The following STK39 variants were observed in gnomAD, a reference collection of about 807,000 sequenced individuals.
STK39 encodes STE20/SPS1-related proline-alanine-rich protein kinase.
Under a neutral mutation model 77.8 loss-of-function variants are expected in STK39, and 20 were observed. The observed-to-expected ratio is 0.26, with a 90% confidence interval of 0.18 to 0.37. The LOEUF is 0.37. Ranked by LOEUF, STK39 falls within the 10% of genes least tolerant of loss-of-function variation. The pLI is 1.00. For synonymous variants in STK39, 246 were observed against 234.1 expected (o/e 1.05, Z -0.47); for missense variants, 479 against 656.5 (o/e 0.73, Z 2.95).
At chr2:168,015,345 CA>C (rs1159978687) in intron 15 of STK39, among the ~76,000 whole-genome samples, 2 of 152,212 alleles carry the variant, frequency 1.3e-5, no homozygotes, top group African/African-American at 4.8e-5. Context: ...GTGAACTGCA[CA>C]CAGATTTACT....
At chr2:167,968,867 TACTA>T (rs1224971497) in intron 16 of STK39, among the ~76,000 whole-genome samples, 3 of 152,200 alleles carry the variant, frequency 2.0e-5, no homozygotes, top group South Asian at 4.1e-4. Context: ...ACAGAAAACT[TACTA>T]ACTCAGTTTG....
Position 167,956,519 on chromosome 2 carries a change from G to A in STK39, c.1564-949C>T, listed in dbSNP as rs191372413. Among the ~76,000 whole-genome samples, 883 of 150,256 alleles carry A rather than the reference G, an allele frequency of 5.9e-3. 8 individuals carry two copies. Among genetic ancestry groups the A allele is most frequent in the Middle Eastern group, 0.027 (8 of 292 alleles). ...GCAGAGGTTGCAGTGAGCCGAGATC[G>A]TGCCACTGCACTCCAGCCTGGCGAC... On this transcript the variant is annotated intron_variant, in intron 17 of 17. Coordinates refer to ENST00000355999, the MANE Select transcript of STK39 (RefSeq NM_013233.3).
chr2:168,109,017 T>G (rs1448248983), intron 10 of STK39, among the ~76,000 whole-genome samples: 1 of 152,224 alleles, frequency 6.6e-6, no homozygotes, highest in Non-Finnish European at 1.5e-5. Flanking sequence ...TTGAGGAAAC[T>G]GAGCTTTGAA....
At chr2:168,218,166 T>C (rs1164551552) in intron 1 of STK39, among the ~76,000 whole-genome samples, 1 of 152,200 alleles carries the variant, frequency 6.6e-6, no homozygotes, top group African/African-American at 2.4e-5. Context: ...ACCACATAAA[T>C]TGGAAGAGAG....
intron 10 of STK39, among the ~76,000 whole-genome samples, chr2:168,112,583 G>T (rs2012981): frequency 0.37 from 55,694 of 151,884 alleles, 11,037 homozygotes; most frequent in South Asian, 0.47. Context: ...CTGTGAGTCA[G>T]TTAAACCTCT....
At chr2:168,007,673 T>C (rs1684165589) in intron 16 of STK39, among the ~76,000 whole-genome samples, 1 of 151,960 alleles carries the variant, frequency 6.6e-6, no homozygotes, top group South Asian at 2.1e-4. Context: ...GGTGGGCATA[T>C]ATGGCCCTAA....
chr2:168,231,487 C>T (rs1407023423), intron 1 of STK39, among the ~76,000 whole-genome samples: 6 of 151,692 alleles, frequency 4.0e-5, no homozygotes, highest in African/African-American at 1.5e-4. Flanking sequence ...TGATAGCTTC[C>T]CACCACACAC....
intron 10 of STK39, among the ~76,000 whole-genome samples, chr2:168,118,826 A>G (rs1687331457): frequency 6.6e-6 from 1 of 152,138 alleles, no homozygotes; most frequent in South Asian, 2.1e-4. Flanking sequence ...TTCTTAGTCA[A>G]TGAACTGTTC....
intron 1 of STK39, among the ~76,000 whole-genome samples, chr2:168,246,539 A>G (rs1172453651): frequency 6.6e-6 from 1 of 152,150 alleles, no homozygotes; most frequent in Non-Finnish European, 1.5e-5. Flanking sequence ...TTCCCCGGGG[A>G]GCCGGACTGG....
At chr2:168,117,266 T>C (rs1253358201) in intron 10 of STK39, among the ~76,000 whole-genome samples, 1 of 152,204 alleles carries the variant, frequency 6.6e-6, no homozygotes, top group East Asian at 1.9e-4. Flanking sequence ...CTGAAAAATA[T>C]CTTAACTATT....
chr2:168,223,776 T>C (rs1025719612), intron 1 of STK39, among the ~76,000 whole-genome samples: 16 of 152,170 alleles, frequency 1.1e-4, no homozygotes, highest in Admixed American at 9.2e-4. Flanking sequence ...GCATCAAGTA[T>C]GCTGAGTAAT....
intron 10 of STK39, among the ~76,000 whole-genome samples, chr2:168,092,078 T>C (rs547226578): frequency 1.3e-5 from 2 of 152,334 alleles, no homozygotes; most frequent in South Asian, 4.1e-4. Context: ...TCTATAACCA[T>C]TGTTGTCAGG....
At chr2:168,211,525 C>G (rs1402651995) in intron 1 of STK39, among the ~76,000 whole-genome samples, 2 of 152,226 alleles carry the variant, frequency 1.3e-5, no homozygotes, top group Non-Finnish European at 2.9e-5. Context: ...CCTTCAACCT[C>G]TAAACCAGTG....
intron 10 of STK39, among the ~76,000 whole-genome samples, chr2:168,090,220 T>C (rs1200711945): frequency 6.6e-6 from 1 of 152,218 alleles, no homozygotes; most frequent in Non-Finnish European, 1.5e-5. Context: ...GAAAGTAAGA[T>C]GCAGTTACAT....
At chr2:168,223,630 C>T (rs1244384059) in intron 1 of STK39, among the ~76,000 whole-genome samples, 1 of 152,070 alleles carries the variant, frequency 6.6e-6, no homozygotes, top group Non-Finnish European at 1.5e-5. Flanking sequence ...AGGGTGACAG[C>T]TTTGCAAACA....
intron 7 of STK39, 95 bp downstream of exon 7, chr2:168,140,194 G>A (rs1574496579): frequency 1.9e-6 from 2 of 1,079,350 alleles, no homozygotes; most frequent in East Asian, 2.4e-5. Flanking sequence ...TTCTCCTCGG[G>A]TCTAAGAGAA....
intron 14 of STK39, among the ~76,000 whole-genome samples, chr2:168,060,729 A>T (rs1295305838): frequency 6.6e-6 from 1 of 152,242 alleles, no homozygotes; most frequent in Non-Finnish European, 1.5e-5. Flanking sequence ...AGCAACATAT[A>T]TAATAGATCC....
intron 16 of STK39, among the ~76,000 whole-genome samples, chr2:167,995,152 C>A (rs562128301): frequency 1.3e-5 from 2 of 151,702 alleles, no homozygotes; most frequent in African/African-American, 2.4e-5. Context: ...CTCTGTCACC[C>A]AGGCTGGAGT....
chr2:168,120,470 ACTGT>A (rs901970000), intron 10 of STK39, among the ~76,000 whole-genome samples: 1 of 152,146 alleles, frequency 6.6e-6, no homozygotes, highest in African/African-American at 2.4e-5. Context: ...GGTGAGTTTC[ACTGT>A]CTGTGCTATG....
Sources: allele counts gnomAD v4.1 joint callset (sites outside exome capture counted in the v4.1 genomes callset), GRCh38; gene constraint gnomAD v4.1.1; transcripts MANE v1.5; gene names NCBI Gene and HGNC (gene_info 2026-07-23, HGNC 2026-07-21).